Variants in AKAP7 observed in about 807,000 individuals in gnomAD.
The protein encoded by AKAP7 is A-kinase anchoring protein 7, also known as A kinase (PRKA) anchor protein 7.
In AKAP7, 39 loss-of-function variants were observed where a neutral mutation model predicts 39.5. The observed-to-expected ratio is 0.99, with a 90% CI of 0.76 to 1.29. The LOEUF is 1.29. AKAP7 is among the 50% of genes most tolerant of loss of function. The probability of loss-of-function intolerance (pLI) is 0.00; values close to 1 mark genes in which losing one functional copy is unlikely to be tolerated. For missense variants in AKAP7, 414 were observed against 407.7 expected (o/e 1.02, Z -0.13); for synonymous variants, 140 against 139.1 (o/e 1.01, Z -0.05).
intron 5 of AKAP7, among the ~76,000 whole-genome samples, chr6:131,193,869 T>C (rs1323059002): frequency 6.6e-6 from 1 of 152,154 alleles, no homozygotes; most frequent in East Asian, 1.9e-4. Context: ...AATGATCCTT[T>C]GAATTTCTGT....
At position 131,282,084 on chromosome 6, in the gene AKAP7, G is replaced by C; in HGVS notation, c.*358G>C. On this transcript the variant is annotated 3_prime_UTR_variant, in exon 8 of 8. Transcript: ENST00000431975. ...TACTGCCATTTATATTGCTTAGCAG[G>C]GCATTTGACTACTTTATCTGAGGCC... 8.8e-7 allele frequency: 1 copy of C among 1,141,390 alleles called. No individual in the cohort carries two copies. Among genetic ancestry groups the C allele is most frequent in the South Asian group, 3.7e-5 (1 of 26,942 alleles). 70.7% of individuals were successfully genotyped at this position (1,141,390 alleles called of 1,614,324 possible).
chr6:131,268,319 T>A (rs534368679), intron 7 of AKAP7, among the ~76,000 whole-genome samples: 2 of 152,216 alleles, frequency 1.3e-5, no homozygotes, highest in African/African-American at 4.8e-5. Context: ...TCACTACTGC[T>A]ATGTGATCAT....
chr6:131,232,657 A>C (rs1311795886), intron 7 of AKAP7, among the ~76,000 whole-genome samples: 3 of 152,006 alleles, frequency 2.0e-5, no homozygotes, highest in Non-Finnish European at 4.4e-5. Context: ...AAAATACGAA[A>C]AGAATTAGCC....
At chr6:131,157,783 G>A (rs1027611113) in intron 2 of AKAP7, among the ~76,000 whole-genome samples, 2 of 152,134 alleles carry the variant, frequency 1.3e-5, no homozygotes, top group African/African-American at 2.4e-5. Context: ...TATTTTAAAC[G>A]TGTATCCTCT....
chr6:131,160,625 G>A lies in AKAP7; in HGVS notation c.291+427G>A, dbSNP rs570040676. 4.9e-4 allele frequency among the ~76,000 whole-genome samples: 75 copies of A among 152,310 alleles called. No homozygotes were observed. In the Middle Eastern group the frequency reaches 0.01, roughly 21 times the overall value. The stretch of plus-strand genomic sequence containing the variant: ...TTCATTTTATCTGAGGGAACTTTTG[G>A]AAGTAGAGAGAAATGACCAGTTGAA... On this transcript the variant is annotated intron_variant, in intron 3 of 7. Coordinates refer to ENST00000431975, the MANE Select transcript of AKAP7 (RefSeq NM_016377.4).
intron 7 of AKAP7, chr6:131,253,243 A>G (rs1001798683): frequency 8.6e-6 from 7 of 811,688 alleles, no homozygotes; most frequent in Non-Finnish European, 1.3e-5. Context: ...ATAGCAAATG[A>G]TGATTTTTTT....
intron 7 of AKAP7, among the ~76,000 whole-genome samples, chr6:131,222,685 A>G (rs1337040777): frequency 6.6e-6 from 1 of 152,174 alleles, no homozygotes; most frequent in Non-Finnish European, 1.5e-5. Flanking sequence ...GATGGAATCT[A>G]CTCTTGGTAA....
At chr6:131,228,027 G>C (rs13200165) in intron 7 of AKAP7, among the ~76,000 whole-genome samples, 43,355 of 151,976 alleles carry the variant, frequency 0.29, 6,681 homozygotes, top group Middle Eastern at 0.39. Flanking sequence ...TGACTGAGGA[G>C]ACCCTCTTCT....
intron 7 of AKAP7, among the ~76,000 whole-genome samples, chr6:131,241,617 G>GTATATATACGTATATATATA (rs1562238097): frequency 1.0e-5 from 1 of 97,216 alleles, no homozygotes; most frequent in African/African-American, 4.0e-5. Context: ...GTGTGTGTGT[G>GTATATATACGTATATATATA]TGTGTGTGTG....
intron 5 of AKAP7, among the ~76,000 whole-genome samples, chr6:131,171,545 C>T (rs1245726920): frequency 6.6e-6 from 1 of 151,956 alleles, no homozygotes; most frequent in Non-Finnish European, 1.5e-5. Context: ...CTAAAGGGAG[C>T]AGTGAAGGTA....
intron 2 of AKAP7, among the ~76,000 whole-genome samples, chr6:131,150,698 G>T (rs1378265600): frequency 6.6e-6 from 1 of 152,150 alleles, no homozygotes; most frequent in Non-Finnish European, 1.5e-5. Flanking sequence ...TTATGTACCA[G>T]GTACTGTTAT....
intron 5 of AKAP7, among the ~76,000 whole-genome samples, chr6:131,192,822 G>A (rs768243225): frequency 6.6e-6 from 1 of 151,994 alleles, no homozygotes; most frequent in Non-Finnish European, 1.5e-5. Flanking sequence ...AATCCTAGGT[G>A]TTTAATTTTG....
chr6:131,171,518 C>G (rs1485814259), intron 5 of AKAP7, among the ~76,000 whole-genome samples: 1 of 152,038 alleles, frequency 6.6e-6, no homozygotes, highest in Non-Finnish European at 1.5e-5. Context: ...GAGATACCAT[C>G]AAATGAGATT....
intron 6 of AKAP7, among the ~76,000 whole-genome samples, chr6:131,201,574 T>A (rs1350577211): frequency 6.6e-6 from 1 of 152,178 alleles, no homozygotes; most frequent in Admixed American, 6.5e-5. Context: ...TTTCTTTTGC[T>A]GTGCAGAAGC....
intron 5 of AKAP7, among the ~76,000 whole-genome samples, chr6:131,185,816 T>C (rs1344266791): frequency 1.3e-5 from 2 of 152,208 alleles, no homozygotes; most frequent in Non-Finnish European, 2.9e-5. Context: ...AGTTTTAAAT[T>C]TTTATGTAGT....
chr6:131,174,012 G>A (rs1804337993), intron 5 of AKAP7, among the ~76,000 whole-genome samples: 1 of 152,192 alleles, frequency 6.6e-6, no homozygotes, highest in African/African-American at 2.4e-5. Flanking sequence ...ATGTTGGTTT[G>A]TTGTTACTGC....
At chr6:131,180,212 T>G (rs1805027042) in intron 5 of AKAP7, among the ~76,000 whole-genome samples, 1 of 152,228 alleles carries the variant, frequency 6.6e-6, no homozygotes, top group Non-Finnish European at 1.5e-5. Context: ...TCATACAGTT[T>G]TGGGAAAAGA....
At chr6:131,239,238 C>G (rs1452341379) in intron 7 of AKAP7, among the ~76,000 whole-genome samples, 1 of 152,212 alleles carries the variant, frequency 6.6e-6, no homozygotes, top group Non-Finnish European at 1.5e-5. Context: ...TATTGGCCCC[C>G]ACTCTCTTCT....
intron 3 of AKAP7, among the ~76,000 whole-genome samples, chr6:131,162,717 C>A (rs1562874244): frequency 6.6e-6 from 1 of 152,150 alleles, no homozygotes; most frequent in Non-Finnish European, 1.5e-5. Flanking sequence ...GTTCCCTTGG[C>A]CCCAGGAAAA....
Sources: allele counts gnomAD v4.1 joint callset (sites outside exome capture counted in the v4.1 genomes callset), GRCh38; gene constraint gnomAD v4.1.1; transcripts MANE v1.5; gene names NCBI Gene and HGNC (gene_info 2026-07-23, HGNC 2026-07-21).